GREM2: variants seen among roughly 807,000 people sequenced by gnomAD.
GREM2 encodes gremlin-2.
GREM2 carries 11 observed loss-of-function variants against 14.2 expected under a neutral mutation model. The observed-to-expected ratio is 0.78, with a 90% confidence interval of 0.49 to 1.28. GREM2 has a LOEUF of 1.28. Ranked by LOEUF, GREM2 falls within the 50% of genes most tolerant of loss-of-function variation. The pLI is 0.00. For missense variants in GREM2, 210 were observed against 218.5 expected, an observed-to-expected ratio of 0.96 and a Z score of 0.24; for synonymous variants, 98 against 97.6, an observed-to-expected ratio of 1.00 and a Z score of -0.02.
intron 1 of GREM2, among the ~76,000 whole-genome samples, chr1:240,605,920 T>C (rs1558181487): frequency 6.6e-6 from 1 of 152,136 alleles, no homozygotes; most frequent in African/African-American, 2.4e-5. Flanking sequence ...AAAAATTAAT[T>C]GATTTTTCAT....
chr1:240,591,047 T>C lies in GREM2; in HGVS notation c.-2+20837A>G, dbSNP rs368272947. 5.9e-5 allele frequency among the ~76,000 whole-genome samples: 9 copies of C among 152,286 alleles called. No individual in the cohort carries two copies. In the East Asian group the frequency reaches 1.7e-3, roughly 30 times the overall value. Reference sequence around the variant, plus strand: ...TGCCCTCCTTGGCCTCCCGAAGTGCTGGGATTACAGGCGTGAGCCACCATG... The same window carrying C: ...TGCCCTCCTTGGCCTCCCGAAGTGCCGGGATTACAGGCGTGAGCCACCATG... On this transcript the variant is annotated intron_variant, in intron 1 of 1. Coordinates refer to ENST00000318160, the MANE Select transcript of GREM2 (RefSeq NM_022469.4).
intron 1 of GREM2, among the ~76,000 whole-genome samples, chr1:240,504,505 C>T (rs75781705): frequency 1.3e-3 from 197 of 152,240 alleles, no homozygotes; most frequent in African/African-American, 4.6e-3. Context: ...ATAGAATGGA[C>T]AGATTATCCT....
At chr1:240,537,618 C>T (rs1678501629) in intron 1 of GREM2, among the ~76,000 whole-genome samples, 1 of 152,084 alleles carries the variant, frequency 6.6e-6, no homozygotes, top group Non-Finnish European at 1.5e-5. Context: ...AACCCCATGT[C>T]TACTAAAAAT....
intron 1 of GREM2, among the ~76,000 whole-genome samples, chr1:240,521,526 G>T (rs1010771670): frequency 6.6e-6 from 1 of 151,734 alleles, no homozygotes; most frequent in African/African-American, 2.4e-5. Context: ...AGCCGAGATG[G>T]CACCACTGCA....
intron 1 of GREM2, among the ~76,000 whole-genome samples, chr1:240,594,852 G>T (rs1195689705): frequency 6.6e-6 from 1 of 152,008 alleles, no homozygotes; most frequent in East Asian, 1.9e-4. Context: ...TTGCCTATAT[G>T]GTATAGCCTG....
chr1:240,539,154 A>T (rs770206511), intron 1 of GREM2, among the ~76,000 whole-genome samples: 5 of 152,176 alleles, frequency 3.3e-5, no homozygotes, highest in Admixed American at 2.0e-4. Flanking sequence ...TTTCCTCACT[A>T]GCCAGGCCCC....
intron 1 of GREM2, among the ~76,000 whole-genome samples, chr1:240,529,239 C>CTTTTT (rs36061225): frequency 1.0e-5 from 1 of 96,084 alleles, no homozygotes; most frequent in Non-Finnish European, 2.0e-5. Flanking sequence ...AGTGGATAGG[C>CTTTTT]TTTTTTTTTT....
intron 1 of GREM2, among the ~76,000 whole-genome samples, chr1:240,568,456 A>G (rs1029961875): frequency 6.6e-6 from 1 of 152,190 alleles, no homozygotes; most frequent in Non-Finnish European, 1.5e-5. Context: ...AGCAAATTGT[A>G]GGATAATAGA....
chr1:240,503,411 C>T (rs1173711790), intron 1 of GREM2, among the ~76,000 whole-genome samples: 1 of 152,212 alleles, frequency 6.6e-6, no homozygotes, highest in Non-Finnish European at 1.5e-5. Context: ...CAGATTCACA[C>T]TCTCAGATCC....
intron 1 of GREM2, among the ~76,000 whole-genome samples, chr1:240,528,368 C>T (rs1340195344): frequency 2.0e-5 from 3 of 152,110 alleles, no homozygotes; most frequent in Non-Finnish European, 4.4e-5. Context: ...GAAGCAGAGG[C>T]TCAATAATGT....
At chr1:240,604,287 T>A (rs1442302973) in intron 1 of GREM2, among the ~76,000 whole-genome samples, 1 of 145,770 alleles carries the variant, frequency 6.9e-6, no homozygotes, top group East Asian at 2.2e-4. Flanking sequence ...CCCAATTAGA[T>A]CAGCTTTATA....
chr1:240,576,571 T>C (rs996192282), intron 1 of GREM2, among the ~76,000 whole-genome samples: 6 of 152,132 alleles, frequency 3.9e-5, no homozygotes, highest in African/African-American at 1.4e-4. Flanking sequence ...TCCCAAAGGC[T>C]GCCAAACAAC....
At chr1:240,525,407 T>G (rs1293435031) in intron 1 of GREM2, among the ~76,000 whole-genome samples, 1 of 152,140 alleles carries the variant, frequency 6.6e-6, no homozygotes, top group African/African-American at 2.4e-5. Flanking sequence ...GGGCTCTACT[T>G]GTGCAACCTG....
At chr1:240,522,327 T>C (rs1264641199) in intron 1 of GREM2, among the ~76,000 whole-genome samples, 1 of 152,098 alleles carries the variant, frequency 6.6e-6, no homozygotes, top group Non-Finnish European at 1.5e-5. Flanking sequence ...CTGACAACAA[T>C]GTATCTGGCT....
intron 1 of GREM2, among the ~76,000 whole-genome samples, chr1:240,518,110 G>A (rs575724516): frequency 1.3e-5 from 2 of 152,336 alleles, no homozygotes; most frequent in African/African-American, 4.8e-5. Context: ...ATCGTACGAA[G>A]CAGCAGGTTT....
chr1:240,590,467 T>C (rs551565681), intron 1 of GREM2, among the ~76,000 whole-genome samples: 12 of 151,208 alleles, frequency 7.9e-5, no homozygotes, highest in Non-Finnish European at 1.6e-4. Context: ...TTCGTTCTTA[T>C]GGTCCAAGCT....
chr1:240,506,325 G>A (rs570884901), intron 1 of GREM2, among the ~76,000 whole-genome samples: 11 of 152,198 alleles, frequency 7.2e-5, no homozygotes, highest in African/African-American at 2.4e-4. Context: ...CAGTTTTTCA[G>A]AACAGTCTAT....
rs183786804 is a variant in GREM2, at chr1:240,533,024, G to A, written c.-1-39548C>T. On this transcript the variant is annotated intron_variant, in intron 1 of 1. Transcript: ENST00000318160. Reference sequence around the variant, plus strand: ...CAGCAGGTACTGTAATTGATATTGCGATACAGAGGGGACTATGATACAGAA... The same window carrying A: ...CAGCAGGTACTGTAATTGATATTGCAATACAGAGGGGACTATGATACAGAA... 1.7e-3 allele frequency among the ~76,000 whole-genome samples: 256 copies of A among 152,254 alleles called. 1 individual carries two copies. Among genetic ancestry groups the A allele is most frequent in the African/African-American group, 5.8e-3 (241 of 41,534 alleles).
chr1:240,607,322 G>T (rs1252016226), intron 1 of GREM2, among the ~76,000 whole-genome samples: 1 of 151,508 alleles, frequency 6.6e-6, no homozygotes, highest in Non-Finnish European at 1.5e-5. Context: ...AGTTTCTTAG[G>T]TTAAATTTTT....
Sources: allele counts gnomAD v4.1 joint callset (sites outside exome capture counted in the v4.1 genomes callset), GRCh38; gene constraint gnomAD v4.1.1; transcripts MANE v1.5; gene names NCBI Gene and HGNC (gene_info 2026-07-23, HGNC 2026-07-21).